The following RFX3 variants were observed in gnomAD, a reference collection of about 807,000 sequenced individuals.
The protein encoded by RFX3 is transcription factor RFX3.
Under a neutral mutation model 98.6 loss-of-function variants are expected in RFX3, and 14 were observed. The observed-to-expected ratio is 0.14, with a 90% CI of 0.09 to 0.22. The LOEUF (loss-of-function observed/expected upper bound fraction) is 0.22, where lower values mean the gene tolerates loss of function less well. Ranked by LOEUF, RFX3 falls within the 10% of genes least tolerant of loss-of-function variation. The probability of loss-of-function intolerance (pLI) is 1.00; values close to 1 mark genes in which losing one functional copy is unlikely to be tolerated. For missense variants in RFX3, 639 were observed against 926.9 expected (o/e 0.69, Z 4.03); for synonymous variants, 383 against 328.4 (o/e 1.17, Z -1.80).
chr9:3,290,428 CAGTAACAAA>C (rs1827190006), intron 6 of RFX3, among the ~76,000 whole-genome samples: 1 of 152,012 alleles, frequency 6.6e-6, no homozygotes, highest in Admixed American at 6.6e-5. Context: ...AAATTCCTTT[CAGTAACAAA>C]AGAAGGACAA....
At chr9:3,227,325 T>C (rs1817896510) in intron 16 of RFX3, among the ~76,000 whole-genome samples, 1 of 152,206 alleles carries the variant, frequency 6.6e-6, no homozygotes, top group Non-Finnish European at 1.5e-5. Context: ...AGGTAGGTTT[T>C]GCTTAGGTCT....
At chr9:3,341,549 A>T (rs1833892426) in intron 3 of RFX3, among the ~76,000 whole-genome samples, 1 of 152,158 alleles carries the variant, frequency 6.6e-6, no homozygotes, top group Non-Finnish European at 1.5e-5. Context: ...ATTCAGTTTC[A>T]TTCATTTTAT....
intron 1 of RFX3, among the ~76,000 whole-genome samples, chr9:3,457,699 C>T (rs1042874048): frequency 7.2e-5 from 11 of 152,140 alleles, no homozygotes; most frequent in Admixed American, 2.6e-4. Context: ...TGTGTCCCAA[C>T]CTTTTCTTAC....
intron 1 of RFX3, among the ~76,000 whole-genome samples, chr9:3,440,412 A>G (rs1845514548): frequency 6.6e-6 from 1 of 152,142 alleles, no homozygotes; most frequent in African/African-American, 2.4e-5. Context: ...TACAAAATCA[A>G]TATTTAAATC....
At chr9:3,353,860 A>C (rs1023505967) in intron 2 of RFX3, among the ~76,000 whole-genome samples, 2 of 152,110 alleles carry the variant, frequency 1.3e-5, no homozygotes, top group African/African-American at 4.8e-5. Flanking sequence ...CAATAGAAAC[A>C]GACCTTGAAA....
intron 1 of RFX3, among the ~76,000 whole-genome samples, chr9:3,477,238 A>C (rs531547363): frequency 6.6e-6 from 1 of 152,182 alleles, no homozygotes; most frequent in East Asian, 1.9e-4. Context: ...TCTATTATTC[A>C]ATCTATTTGT....
At chr9:3,454,686 C>A (rs938076401) in intron 1 of RFX3, among the ~76,000 whole-genome samples, 1 of 152,126 alleles carries the variant, frequency 6.6e-6, no homozygotes, top group African/African-American at 2.4e-5. Context: ...CTGAAAAAAT[C>A]CCATTCTATG....
chr9:3,319,201 T>A (rs1830978289), intron 4 of RFX3, among the ~76,000 whole-genome samples: 1 of 152,224 alleles, frequency 6.6e-6, no homozygotes, highest in African/African-American at 2.4e-5. Flanking sequence ...GACCAGCATT[T>A]TCAGTATCCC....
chr9:3,501,288 T>A (rs1446613712), intron 1 of RFX3, among the ~76,000 whole-genome samples: 1 of 152,118 alleles, frequency 6.6e-6, no homozygotes, highest in East Asian at 1.9e-4. Context: ...TTTTCTTAAT[T>A]TCATAATTTT....
chr9:3,437,249 AGACT>A (rs1473212740), intron 1 of RFX3, among the ~76,000 whole-genome samples: 1 of 152,046 alleles, frequency 6.6e-6, no homozygotes, highest in African/African-American at 2.4e-5. Flanking sequence ...CATGGAGACT[AGACT>A]ATAGGCTCCA....
chr9:3,447,898 T>G (rs1360822112), intron 1 of RFX3, among the ~76,000 whole-genome samples: 3 of 152,134 alleles, frequency 2.0e-5, no homozygotes, highest in African/African-American at 4.8e-5. Flanking sequence ...CTGCTTGATC[T>G]CTCATGAACA....
At chr9:3,278,160 G>GA (rs1825476118) in intron 7 of RFX3, among the ~76,000 whole-genome samples, 3 of 151,574 alleles carry the variant, frequency 2.0e-5, no homozygotes, top group Admixed American at 6.6e-5. Context: ...AGCTAAGATA[G>GA]AAAAAAATGT....
chr9:3,421,579 T>A (rs889440380), intron 1 of RFX3, among the ~76,000 whole-genome samples: 2 of 152,178 alleles, frequency 1.3e-5, no homozygotes, highest in African/African-American at 2.4e-5. Flanking sequence ...AGATGAAAAC[T>A]CTCAGCATTG....
At chr9:3,376,879 C>G (rs959864399) in intron 2 of RFX3, among the ~76,000 whole-genome samples, 1 of 152,150 alleles carries the variant, frequency 6.6e-6, no homozygotes, top group African/African-American at 2.4e-5. Flanking sequence ...AAATGCAAAT[C>G]AAAACCACTA....
At chr9:3,270,763 G>T in intron 10 of RFX3, 1 of 668,962 alleles carries the variant, frequency 1.5e-6, no homozygotes, top group African/African-American at 1.8e-5. Context: ...AGATATGATA[G>T]TAATTCCATG....
chr9:3,302,655 A>G (rs955516800), intron 4 of RFX3, among the ~76,000 whole-genome samples: 10 of 152,026 alleles, frequency 6.6e-5, no homozygotes, highest in Non-Finnish European at 1.5e-4. Context: ...AAACATATTT[A>G]ACTTTCTTAT....
At chr9:3,386,723 A>G (rs1374351262) in intron 2 of RFX3, among the ~76,000 whole-genome samples, 1 of 152,210 alleles carries the variant, frequency 6.6e-6, no homozygotes, top group Non-Finnish European at 1.5e-5. Context: ...TAGCTTGTCC[A>G]GAAGTGCACA....
At chr9:3,388,650 C>T (rs1373427976) in intron 2 of RFX3, among the ~76,000 whole-genome samples, 2 of 151,974 alleles carry the variant, frequency 1.3e-5, no homozygotes, top group African/African-American at 4.8e-5. Flanking sequence ...TTATGGCATA[C>T]AAAGGGGTTT....
At chr9:3,244,670 G>C (rs1820402586) in intron 15 of RFX3, among the ~76,000 whole-genome samples, 2 of 152,222 alleles carry the variant, frequency 1.3e-5, no homozygotes, top group East Asian at 3.9e-4. Flanking sequence ...TTGTCCTTTA[G>C]TTCTTACCTC....
Sources: allele counts gnomAD v4.1 joint callset (sites outside exome capture counted in the v4.1 genomes callset), GRCh38; gene constraint gnomAD v4.1.1; transcripts MANE v1.5; gene names NCBI Gene and HGNC (gene_info 2026-07-23, HGNC 2026-07-21).